Variants in CBX1 observed in about 807,000 individuals in gnomAD.
The protein encoded by CBX1 is chromobox 1.
CBX1 carries 10 observed loss-of-function variants against 25.1 expected under a neutral mutation model. The observed-to-expected ratio is 0.40, with a 90% CI of 0.25 to 0.68. The LOEUF is 0.68. CBX1 is among the 30% of genes least tolerant of loss of function. The probability of loss-of-function intolerance (pLI) is 0.40; values close to 1 mark genes in which losing one functional copy is unlikely to be tolerated. For synonymous variants in CBX1, 63 were observed against 79.4 expected (o/e 0.79, Z 1.10); for missense variants, 106 against 218.5 (o/e 0.49, Z 3.25).
At chr17:48,080,625 T>G (rs1027269632) in intron 1 of CBX1, among the ~76,000 whole-genome samples, 2 of 151,686 alleles carry the variant, frequency 1.3e-5, no homozygotes, top group African/African-American at 4.8e-5. Flanking sequence ...AGAATGCACT[T>G]AGAGTCCATC....
At position 48,083,474 on chromosome 17, in the gene CBX1, T is replaced by A. The variant is rs913994691; in HGVS notation, c.-37-6433A>T. On this transcript the variant is annotated intron_variant, in intron 1 of 4. Coordinates refer to ENST00000225603, the MANE Select transcript of CBX1 (RefSeq NM_001127228.2). ...TCTGGTCAGTAACTAGTTTTCCAGC[T>A]GTTTTCTGACATCTCTACTTGTCTT... Among the ~76,000 whole-genome samples the A allele has an allele frequency of 1.6e-4, 24 of 150,716 alleles. 1 individual carries two copies. Among genetic ancestry groups the A allele is most frequent in the Non-Finnish European group, 2.9e-4 (20 of 68,046 alleles).
At chr17:48,080,951 AATATATATATATAT>A (rs1323670486) in intron 1 of CBX1, among the ~76,000 whole-genome samples, 3,896 of 33,210 alleles carry the variant, frequency 0.12, 257 homozygotes, top group East Asian at 0.15. Flanking sequence ...AAAAAAAAAA[AATATATATATATAT>A]ATATATATAT....
chr17:48,080,398 G>A (rs1045570881), intron 1 of CBX1, among the ~76,000 whole-genome samples: 4 of 152,026 alleles, frequency 2.6e-5, no homozygotes, highest in South Asian at 2.1e-4. Context: ...GTCAGTAGAT[G>A]GCACTGTATC....
intron 1 of CBX1, 92 bp downstream of exon 1, chr17:48,101,176 G>A (rs1175312993): frequency 7.1e-6 from 7 of 988,066 alleles, no homozygotes; most frequent in Non-Finnish European, 8.4e-6. Flanking sequence ...CCTAACCTCC[G>A]CCTCGAAAGC....
At chr17:48,074,422 T>C (rs1598303250) in intron 4 of CBX1, among the ~76,000 whole-genome samples, 2 of 152,302 alleles carry the variant, frequency 1.3e-5, no homozygotes, top group Admixed American at 6.5e-5. Context: ...CTATCTTCAT[T>C]AGGCTGTTTC....
chr17:48,079,371 G>A (rs2037710230), intron 1 of CBX1, among the ~76,000 whole-genome samples: 1 of 152,214 alleles, frequency 6.6e-6, no homozygotes, highest in Admixed American at 6.5e-5. Flanking sequence ...CTCCCAAAGT[G>A]CTGGGATTAC....
Position 48,101,414 on chromosome 17 carries a change from C to G in CBX1, c.-184G>C, listed in dbSNP as rs979915449. On this transcript the variant is annotated 5_prime_UTR_variant, in exon 1 of 5. Transcript: ENST00000225603. Reference sequence around the variant, plus strand: ...TCACTGAAGCGGCGTACCGCAGGCCCCGGCCAACGGCCCTCCCCTCAGCCG... The same window carrying G: ...TCACTGAAGCGGCGTACCGCAGGCCGCGGCCAACGGCCCTCCCCTCAGCCG... 4.1e-6 allele frequency: 4 copies of G among 985,424 alleles called. No individual in the cohort carries two copies. The African/African-American group carries it at 7.0e-5, about 17-fold the overall frequency. The allele number at this position is 985,424 out of a possible 1,614,324, so 61.0% of individuals were successfully genotyped here. A position where few individuals can be genotyped will look rare whatever the true frequency, so the allele number is the denominator to read the frequency against.
intron 1 of CBX1, chr17:48,100,985 G>C (rs891859172): frequency 9.1e-6 from 9 of 985,858 alleles, no homozygotes; most frequent in Admixed American, 6.2e-5. Context: ...CAGACCACCC[G>C]GGCCCCGAAG....
chr17:48,097,708 A>G (rs1036518213), intron 1 of CBX1, among the ~76,000 whole-genome samples: 2 of 152,200 alleles, frequency 1.3e-5, no homozygotes, highest in Admixed American at 6.5e-5. Context: ...CAGACAAATT[A>G]GGTTGCCCCC....
chr17:48,093,477 T>A (rs1046298189), intron 1 of CBX1, among the ~76,000 whole-genome samples: 2 of 152,136 alleles, frequency 1.3e-5, no homozygotes, highest in African/African-American at 4.8e-5. Flanking sequence ...TCAGTAAACA[T>A]TTTGAAAAGC....
At chr17:48,091,265 T>G (rs2063342275) in intron 1 of CBX1, among the ~76,000 whole-genome samples, 1 of 152,226 alleles carries the variant, frequency 6.6e-6, no homozygotes, top group Non-Finnish European at 1.5e-5. Flanking sequence ...TTCATTCCTT[T>G]TTCCATCTAG....
At chr17:48,101,234 C>G in intron 1 of CBX1, 34 bp downstream of exon 1, 2 of 989,698 alleles carry the variant, frequency 2.0e-6, no homozygotes, top group Non-Finnish European at 2.4e-6. Flanking sequence ...CGCGCCCCCT[C>G]CCCCAGCTCT....
chr17:48,092,962 C>T (rs1485731294), intron 1 of CBX1, among the ~76,000 whole-genome samples: 2 of 150,040 alleles, frequency 1.3e-5, no homozygotes, highest in Non-Finnish European at 3.0e-5. Context: ...CCCAGCTACT[C>T]GGGAGGCTGA....
Position 48,075,986 on chromosome 17 carries a change from T to C in CBX1, c.318+15A>G, listed in dbSNP as rs943578553. The C allele has an allele frequency of 6.5e-7, 1 of 1,540,902 alleles. No homozygotes were observed. Among genetic ancestry groups the C allele is most frequent in the African/African-American group, 1.4e-5 (1 of 73,418 alleles). On this transcript the variant is annotated intron_variant, in intron 3 of 4. Coordinates refer to ENST00000225603, the MANE Select transcript of CBX1 (RefSeq NM_001127228.2). The stretch of plus-strand genomic sequence containing the variant: ...TGAATTGTGGGCTAGTAAAAATTCT[T>C]ACTTCTATTCTTACCTCTTCTTTCT...
intron 1 of CBX1, among the ~76,000 whole-genome samples, chr17:48,077,445 G>GTTTTTTTTTTTTTT (rs796350669): frequency 1.7e-4 from 9 of 52,410 alleles, no homozygotes; most frequent in Admixed American, 2.3e-4. Flanking sequence ...TTTTTTTTTT[G>GTTTTTTTTTTTTTT]TTTTTTTTGT....
rs1409776896 is a variant in CBX1, at chr17:48,070,284, ATG to A, written c.*1149_*1150del. 2.0e-5 allele frequency: 3 copies of A among 152,744 alleles called. No homozygotes were observed. Among genetic ancestry groups the A allele is most frequent in the African/African-American group, 7.2e-5 (3 of 41,570 alleles). The allele number at this position is 152,744 out of a possible 1,614,324, so 9.5% of individuals were successfully genotyped here. A position where few individuals can be genotyped will look rare whatever the true frequency, so the allele number is the denominator to read the frequency against. On this transcript the variant is annotated 3_prime_UTR_variant, in exon 5 of 5. Coordinates refer to ENST00000225603, the MANE Select transcript of CBX1 (RefSeq NM_001127228.2). ...TCTTAAAAAATTGTTTTGTGTGTGTATGTGTGTGTTTTAAAGTGAACCACTGC... is the reference window on the plus strand; with the variant it reads ...TCTTAAAAAATTGTTTTGTGTGTGTATGTGTGTTTTAAAGTGAACCACTGC...
intron 1 of CBX1, among the ~76,000 whole-genome samples, chr17:48,087,015 C>A (rs894504937): frequency 6.6e-6 from 1 of 151,520 alleles, no homozygotes; most frequent in African/African-American, 2.4e-5. Flanking sequence ...TGGTGAAACC[C>A]CATCTCTACT....
chr17:48,086,901 C>G (rs924739399), intron 1 of CBX1, among the ~76,000 whole-genome samples: 4 of 151,714 alleles, frequency 2.6e-5, no homozygotes, highest in African/African-American at 9.7e-5. Flanking sequence ...AATAAATAAA[C>G]AAAAATGGCC....
At position 48,075,115 on chromosome 17, in the gene CBX1, T is replaced by C. The variant is rs1353801996; in HGVS notation, c.319-15A>G. 6.3e-7 allele frequency: 1 copy of C among 1,575,450 alleles called. No homozygotes were observed. Among genetic ancestry groups the C allele is most frequent in the Admixed American group, 1.7e-5 (1 of 59,958 alleles). ...GGCTTTTCTGACTGTAAAAACAAGA[T>C]GGGTAGAACAATTTTATCTATATGG... On this transcript the variant is annotated splice_polypyrimidine_tract_variant and intron_variant, in intron 3 of 4. Coordinates refer to ENST00000225603, the MANE Select transcript of CBX1 (RefSeq NM_001127228.2).
Sources: allele counts gnomAD v4.1 joint callset (sites outside exome capture counted in the v4.1 genomes callset), GRCh38; gene constraint gnomAD v4.1.1; transcripts MANE v1.5; gene names NCBI Gene and HGNC (gene_info 2026-07-23, HGNC 2026-07-21).